KAT7: variants seen among roughly 807,000 people sequenced by gnomAD.
KAT7 encodes histone acetyltransferase KAT7.
KAT7 carries 10 observed loss-of-function variants against 82.1 expected under a neutral mutation model. That is an observed-to-expected ratio of 0.12 (90% CI 0.08 to 0.21). KAT7 has a LOEUF of 0.21. Ranked by LOEUF, KAT7 falls within the 10% of genes least tolerant of loss-of-function variation. The pLI, the probability that KAT7 is intolerant of heterozygous loss-of-function variation, is 1.00. For synonymous variants in KAT7, 250 were observed against 262.5 expected, an observed-to-expected ratio of 0.95 and a Z score of 0.46; for missense variants, 378 against 760.9, an observed-to-expected ratio of 0.50 and a Z score of 5.92.
Position 49,792,075 on chromosome 17 carries a change from G to T in KAT7, c.163+42G>T, listed in dbSNP as rs114028178. 7.6e-4 allele frequency: 1,213 copies of T among 1,591,586 alleles called. 6 individuals are homozygous for T. In the African/African-American group the frequency reaches 0.014, roughly 19 times the overall value. ...TTTTCCTTACCACTCCTCACATCTG[G>T]CTGACTGGCCCATCACATTATTTTC... On this transcript the variant is annotated intron_variant, in intron 2 of 14. Coordinates refer to ENST00000259021, the MANE Select transcript of KAT7 (RefSeq NM_007067.5).
At chr17:49,816,518 T>C (rs938325299) in intron 8 of KAT7, among the ~76,000 whole-genome samples, 2 of 152,342 alleles carry the variant, frequency 1.3e-5, no homozygotes, top group East Asian at 1.9e-4. Context: ...ACCTCTGATA[T>C]AACAGATTAA....
chr17:49,794,773 A>G (rs1243499437), intron 2 of KAT7, among the ~76,000 whole-genome samples: 2 of 152,248 alleles, frequency 1.3e-5, no homozygotes, highest in Non-Finnish European at 2.9e-5. Flanking sequence ...GTAAGCACTG[A>G]GTCTCTTTCT....
chr17:49,795,782 T>A, intron 2 of KAT7: 1 of 223,492 alleles, frequency 4.5e-6, no homozygotes. Flanking sequence ...CTACACTAGG[T>A]GTTTTCACAT....
At chr17:49,810,816 T>A (rs963352241) in intron 6 of KAT7, among the ~76,000 whole-genome samples, 5 of 152,076 alleles carry the variant, frequency 3.3e-5, no homozygotes, top group Non-Finnish European at 5.9e-5. Context: ...AGAACCTGAT[T>A]TGGAATTTTT....
chr17:49,798,943 T>C (rs1460445137), intron 4 of KAT7, among the ~76,000 whole-genome samples: 1 of 152,336 alleles, frequency 6.6e-6, no homozygotes, highest in East Asian at 1.9e-4. Flanking sequence ...CGGCCATAGC[T>C]GTTAAGGAAA....
intron 5 of KAT7, among the ~76,000 whole-genome samples, chr17:49,808,453 CTT>C (rs528916586): frequency 1.8e-4 from 23 of 130,506 alleles, no homozygotes; most frequent in Non-Finnish European, 2.0e-4. Flanking sequence ...TTCTTTCTTT[CTT>C]TTTTTTTTTT....
At chr17:49,802,661 C>A (rs1222886962) in intron 4 of KAT7, among the ~76,000 whole-genome samples, 1 of 148,970 alleles carries the variant, frequency 6.7e-6, no homozygotes. Context: ...AGGAGTGAAA[C>A]TCCATCTCAA....
intron 1 of KAT7, 135 bp downstream of exon 1, chr17:49,788,984 C>G: frequency 2.7e-6 from 2 of 752,846 alleles, no homozygotes; most frequent in Non-Finnish European, 4.0e-6. Flanking sequence ...ACCCTCTCTT[C>G]TGTCCATACC....
intron 6 of KAT7, 27 bp downstream of exon 6, chr17:49,809,235 A>C: frequency 6.3e-7 from 1 of 1,575,372 alleles, no homozygotes; most frequent in Non-Finnish European, 8.7e-7. Flanking sequence ...AGCACTGGCC[A>C]TTCATAGTTT....
In KAT7 at chr17:49,829,457, C is replaced by T. The variant is rs2074404712; in HGVS notation, c.*1955C>T. The T allele has an allele frequency of 6.6e-6, 1 of 152,220 alleles. No individual in the cohort carries two copies. Among genetic ancestry groups the T allele is most frequent in the African/African-American group, 2.4e-5 (1 of 41,434 alleles). 9.4% of individuals were successfully genotyped at this position (152,220 alleles called of 1,614,324 possible). Reference sequence around the variant, plus strand: ...GGATATATGGGGGTACAGTTGATGCCTGTAGGAGATGGGAACAGACATTCC... The same window carrying T: ...GGATATATGGGGGTACAGTTGATGCTTGTAGGAGATGGGAACAGACATTCC... On this transcript the variant is annotated 3_prime_UTR_variant, in exon 15 of 15. Transcript: ENST00000259021.
At chr17:49,822,577 T>C (rs549531687) in intron 11 of KAT7, among the ~76,000 whole-genome samples, 1 of 152,292 alleles carries the variant, frequency 6.6e-6, no homozygotes, top group South Asian at 2.1e-4. Context: ...TTTATTGAAA[T>C]ATAATTCATA....
chr17:49,799,204 T>C (rs1035077646), intron 4 of KAT7, among the ~76,000 whole-genome samples: 3 of 152,168 alleles, frequency 2.0e-5, no homozygotes, highest in South Asian at 4.1e-4. Context: ...GGTGCAAATA[T>C]TGGGCTTAAG....
At chr17:49,788,878 G>A (rs748597328) in intron 1 of KAT7, 29 bp downstream of exon 1, 1 of 1,572,470 alleles carries the variant, frequency 6.4e-7, no homozygotes, top group South Asian at 1.1e-5. Context: ...GGGATGGCGG[G>A]TTTCTAAGGA....
chr17:49,824,923 C>G (rs1285458023), intron 12 of KAT7, among the ~76,000 whole-genome samples: 2 of 151,276 alleles, frequency 1.3e-5, no homozygotes, highest in Non-Finnish European at 1.5e-5. Flanking sequence ...GTCTATTACA[C>G]CTTAAAAAAA....
At chr17:49,818,032 C>T (rs1301235170) in intron 9 of KAT7, 21 bp downstream of exon 9, 6 of 1,598,778 alleles carry the variant, frequency 3.8e-6, no homozygotes, top group East Asian at 2.2e-5. Context: ...TTGGGTTCCT[C>T]TGCCTTGACC....
rs1048489952 is a variant in KAT7, at chr17:49,826,697, C to G, written c.1632C>G (p.Ile544Met). 44 of 1,609,290 alleles carry G rather than the reference C, an allele frequency of 2.7e-5. No homozygotes were observed. The highest frequency in any genetic ancestry group is 3.7e-5 in the Non-Finnish European group (43 of 1,177,628). ...TCAGTACTTCTTCTGTTTCAGAAAT[C>G]AGTCAGGAGACGGCTGTGAATCCTG... is the stretch of plus-strand genomic sequence containing the variant. Reference protein sequence around the residue: ...FQGKEISIKEISQETAVNPVD... With the variant: ...FQGKEISIKEMSQETAVNPVD... Residue 544 changes from isoleucine to methionine, a missense_variant, in exon 14 of 15, where the codon ATC (isoleucine) becomes ATG (methionine). Ile to Met is a conservative substitution (Grantham distance 10). Coordinates refer to ENST00000259021, the MANE Select transcript of KAT7 (RefSeq NM_007067.5).
intron 2 of KAT7, among the ~76,000 whole-genome samples, chr17:49,794,460 A>G (rs1029250213): frequency 6.6e-6 from 1 of 152,018 alleles, no homozygotes; most frequent in Non-Finnish European, 1.5e-5. Context: ...TATTTTTTGT[A>G]TTTTTAGTAG....
At chr17:49,798,706 A>G in intron 4 of KAT7, 148 bp downstream of exon 4, 1 of 728,086 alleles carries the variant, frequency 1.4e-6, no homozygotes, top group Non-Finnish European at 2.2e-6. Flanking sequence ...TCACTTGAAT[A>G]AAAGCATTTA....
In KAT7 at chr17:49,830,210, A is replaced by ATTT. The variant is rs1321415971; in HGVS notation, c.*2708_*2709insTTT. On this transcript the variant is annotated 3_prime_UTR_variant, in exon 15 of 15. Coordinates refer to ENST00000259021, the MANE Select transcript of KAT7 (RefSeq NM_007067.5). ...TTTTTTTTTTTTTTTTTTTTTTTTA[A>ATTT]AAAAAGACAGTCTCACTCTATCATC... 128 of 110,382 alleles carry ATTT rather than the reference A, an allele frequency of 1.2e-3. No individual in the cohort carries two copies. Among genetic ancestry groups the ATTT allele is most frequent in the Admixed American group, 1.6e-3 (17 of 10,340 alleles). The allele number at this position is 110,382 out of a possible 1,614,324, so 6.8% of individuals were successfully genotyped here.
Sources: gnomAD v4.1 joint callset for allele counts (sites outside exome capture counted in the v4.1 genomes callset) on GRCh38, gnomAD v4.1.1 for gene constraint, MANE v1.5 for transcripts, NCBI Gene and HGNC (gene_info 2026-07-23, HGNC 2026-07-21) for gene names.